The following ATP1A3 variants were observed in gnomAD, a reference collection of about 807,000 sequenced individuals.
ATP1A3 encodes sodium/potassium-transporting ATPase subunit alpha-3.
Under a neutral mutation model 108.8 loss-of-function variants are expected in ATP1A3, and 12 were observed. The ratio of observed to expected loss-of-function variants is 0.11; its 90% CI spans 0.07 to 0.18. ATP1A3 has a LOEUF of 0.18. Among genes scored for constraint, ATP1A3 ranks in the 10% least tolerant of loss-of-function variants. The pLI is 1.00. For synonymous variants in ATP1A3, 539 were observed against 564.5 expected (o/e 0.95, Z 0.64); for missense variants, 498 against 1,387.7 (o/e 0.36, Z 10.19).
At position 41,976,564 on chromosome 19, in the gene ATP1A3, T is replaced by A. The variant is rs782022357; in HGVS notation, c.1946A>T (p.Asp649Val). ...NIPVSQVNPR[D>V]AKACVIHGTD... ...GCCGTGGATCACGCAGGCCTTGGCA[T>A]CCCTGGGAAGAGCAGAGAGAGCGAT... Residue 649 changes from aspartate to valine, a missense_variant and splice_region_variant, in exon 15 of 23, where the codon GAT becomes GTT. By Grantham distance (152) the Asp-to-Val change is radical. Around this residue, in one of 9 missense-constraint regions of ATP1A3, gnomAD observed 31 missense variants for 132.5 expected, o/e 0.23. Coordinates refer to ENST00000648268, the MANE Select transcript of ATP1A3 (RefSeq NM_152296.5). 1 of 1,613,894 alleles carries A rather than the reference T, an allele frequency of 6.2e-7. No individual in the cohort carries two copies. The highest frequency in any genetic ancestry group is 1.7e-5 in the Admixed American group (1 of 60,006).
intron 16 of ATP1A3, among the ~76,000 whole-genome samples, chr19:41,971,567 C>A (rs952812067): frequency 6.6e-6 from 1 of 152,142 alleles, no homozygotes; most frequent in Non-Finnish European, 1.5e-5. Flanking sequence ...TACTACACAG[C>A]AAGAAGGGGC....
intron 14 of ATP1A3, 21 bp downstream of exon 14, chr19:41,977,915 T>G (rs551405286): frequency 1.9e-6 from 3 of 1,613,758 alleles, no homozygotes; most frequent in Non-Finnish European, 2.5e-6. Flanking sequence ...TCCAGGGCCC[T>G]GGCTGGGATG....
chr19:41,992,148 AG>A (rs1419297436), intron 1 of ATP1A3, among the ~76,000 whole-genome samples: 1 of 147,390 alleles, frequency 6.8e-6, no homozygotes, highest in Non-Finnish European at 1.5e-5. Context: ...GATCTGAGGG[AG>A]GAGGGGCTGG....
chr19:41,973,088 G>A (rs1325901929), intron 16 of ATP1A3, among the ~76,000 whole-genome samples: 1 of 152,170 alleles, frequency 6.6e-6, no homozygotes, highest in Non-Finnish European at 1.5e-5. Context: ...TGGATGAAAT[G>A]GTGACAAATG....
At chr19:41,991,211 G>A (rs923219888) in intron 1 of ATP1A3, among the ~76,000 whole-genome samples, 9 of 152,236 alleles carry the variant, frequency 5.9e-5, no homozygotes, top group African/African-American at 2.2e-4. Flanking sequence ...GAGGCTCAGC[G>A]CGGCTCAGCG....
intron 14 of ATP1A3, among the ~76,000 whole-genome samples, chr19:41,977,227 A>T (rs1568859448): frequency 6.6e-6 from 1 of 152,126 alleles, no homozygotes; most frequent in Non-Finnish European, 1.5e-5. Context: ...GAAAAGAGAG[A>T]CAATGACAGA....
Position 41,985,273 on chromosome 19 carries a change from C to T in ATP1A3, c.724+33G>A. 1.2e-6 allele frequency: 2 copies of T among 1,613,856 alleles called. No homozygotes were observed. The highest frequency in any genetic ancestry group is 8.5e-7 in the Non-Finnish European group (1 of 1,179,760). On this transcript the variant is annotated intron_variant, in intron 7 of 22. Coordinates refer to ENST00000648268, the MANE Select transcript of ATP1A3 (RefSeq NM_152296.5). The surrounding 1 kb of genome is among the most constrained non-coding windows in gnomAD (Gnocchi z 8.2). ...CCCTGGGACACATCCCTGTGTCTGC[C>T]CCAGCTGTGTGTCTTCTCTGCACCC...
intron 15 of ATP1A3, among the ~76,000 whole-genome samples, chr19:41,976,109 C>T (rs1328719670): frequency 4.0e-5 from 6 of 150,712 alleles, no homozygotes; most frequent in African/African-American, 4.9e-5. Flanking sequence ...GCCCCCAGCC[C>T]CTCCTCCCTC....
Position 41,993,537 on chromosome 19 carries a change from ACACACACACACACTGCGGAGTCCCC to A in ATP1A3, c.6+509_6+533del. On this transcript the variant is annotated intron_variant, in intron 1 of 22. Transcript: ENST00000648268. The stretch of plus-strand genomic sequence containing the variant: ...CACACACACACACACACACACACAC[ACACACACACACACTGCGGAGTCCCC>A]CCATCCAGGCCTGGAAGGAGAAAGA... 3 of 1,259,698 alleles carry A rather than the reference ACACACACACACACTGCGGAGTCCCC, an allele frequency of 2.4e-6. No homozygotes were observed. In the South Asian group the frequency reaches 4.3e-5, roughly 18 times the overall value. 78.0% of individuals were successfully genotyped at this position (1,259,698 alleles called of 1,614,324 possible). A position where few individuals can be genotyped will look rare whatever the true frequency, so the allele number is the denominator to read the frequency against.
chr19:41,968,066 A>G lies in ATP1A3; in HGVS notation c.2820-303T>C, dbSNP rs1555859042. On this transcript the variant is annotated intron_variant, in intron 20 of 22. Coordinates refer to ENST00000648268, the MANE Select transcript of ATP1A3 (RefSeq NM_152296.5). The surrounding 1 kb of genome is among the most constrained non-coding windows in gnomAD (Gnocchi z 5.0). ...GAGACAGACACAGGGACAGACACAGAGACAGGGACAGAAACAGACACAGAG... is the reference window on the plus strand; with the variant it reads ...GAGACAGACACAGGGACAGACACAGGGACAGGGACAGAAACAGACACAGAG... 2.0e-5 allele frequency among the ~76,000 whole-genome samples: 3 copies of G among 151,760 alleles called. No individual in the cohort carries two copies. The highest frequency in any genetic ancestry group is 6.6e-5 in the Admixed American group (1 of 15,230).
At position 41,985,221 on chromosome 19, in the gene ATP1A3, G is replaced by T. The variant is rs781970840; in HGVS notation, c.725-35C>A. On this transcript the variant is annotated intron_variant, in intron 7 of 22. Coordinates refer to ENST00000648268, the MANE Select transcript of ATP1A3 (RefSeq NM_152296.5). The surrounding 1 kb of genome is among the most constrained non-coding windows in gnomAD (Gnocchi z 8.2). ...AGAGGGGTTAGGCTGAGGTGGGGTG[G>T]CTCAGGGAGGTTCTGGAGGCCTGAC... 3.0e-5 allele frequency: 48 copies of T among 1,613,938 alleles called. No individual in the cohort carries two copies. The highest frequency in any genetic ancestry group is 1.6e-4 in the Middle Eastern group (1 of 6,062).
Position 41,968,406 on chromosome 19 carries a change from G to C in ATP1A3, c.2819+379C>G, listed in dbSNP as rs2075067412. ...TACCTGTAATCCCAGCTACTTGGGA[G>C]GCTGAGGCATGAGAATCGCTTGAAC... On this transcript the variant is annotated intron_variant, in intron 20 of 22. Transcript: ENST00000648268. The surrounding 1 kb of genome is among the most constrained non-coding windows in gnomAD (Gnocchi z 5.0). 6.6e-6 allele frequency among the ~76,000 whole-genome samples: 1 copy of C among 152,188 alleles called. No individual in the cohort carries two copies. The highest frequency in any genetic ancestry group is 2.4e-5 in the African/African-American group (1 of 41,456).
chr19:41,974,887 C>T (rs539316890), intron 16 of ATP1A3, among the ~76,000 whole-genome samples: 1 of 152,240 alleles, frequency 6.6e-6, no homozygotes, highest in Non-Finnish European at 1.5e-5. Flanking sequence ...TGTACCGGTT[C>T]CTCTGCCTGC....
At chr19:41,986,264 G>A (rs782723097) in intron 4 of ATP1A3, 35 bp from the exon 5 acceptor site, 4 of 1,570,550 alleles carry the variant, frequency 2.5e-6, no homozygotes, top group African/African-American at 1.4e-5. Flanking sequence ...ATCAGGGGCC[G>A]CCCAAGCCAC....
chr19:41,971,364 C>T (rs2075107379), intron 16 of ATP1A3, among the ~76,000 whole-genome samples: 1 of 152,088 alleles, frequency 6.6e-6, no homozygotes, highest in South Asian at 2.1e-4. Context: ...TCAAACATCC[C>T]CCACCCCACC....
intron 16 of ATP1A3, among the ~76,000 whole-genome samples, chr19:41,971,546 A>G (rs1218697043): frequency 2.0e-5 from 3 of 152,198 alleles, no homozygotes; most frequent in Admixed American, 1.3e-4. Context: ...CGGTACATCC[A>G]TGCAGTCAAA....
chr19:41,982,964 C>G (rs7257980), intron 8 of ATP1A3, among the ~76,000 whole-genome samples: 152,368 of 152,380 alleles, frequency 1, 76,178 homozygotes, highest in Non-Finnish European at 1. Flanking sequence ...TGACGTGATT[C>G]TGTTCAGTTT....
chr19:41,991,661 G>C (rs998239718), intron 1 of ATP1A3, among the ~76,000 whole-genome samples: 3 of 152,178 alleles, frequency 2.0e-5, no homozygotes, highest in Non-Finnish European at 4.4e-5. Flanking sequence ...GTTGAAGGCT[G>C]GGAGCTGATG....
rs1555858580 is a variant in ATP1A3 at position 41,966,696 on chromosome 19, G to A, written c.*241C>T. On this transcript the variant is annotated 3_prime_UTR_variant, in exon 23 of 23. Transcript: ENST00000648268. ...GGAGGTGGCTGGGGCGGGAGGAATG[G>A]ATAGAGGGGTGAGGAGAGGGAGAGA... The A allele has an allele frequency of 6.5e-7, 1 of 1,536,516 alleles. No homozygotes were observed. The highest frequency in any genetic ancestry group is 8.8e-7 in the Non-Finnish European group (1 of 1,138,632).
Sources: gnomAD v4.1 joint callset for allele counts (sites outside exome capture counted in the v4.1 genomes callset) on GRCh38, gnomAD v4.1.1 for gene constraint, gnomAD v4.1.1 regional missense constraint, Gnocchi (gnomAD v3.1) non-coding constraint, MANE v1.5 for transcripts, NCBI Gene and HGNC (gene_info 2026-07-23, HGNC 2026-07-21) for gene names.